PDE11A: variants seen among roughly 807,000 people sequenced by gnomAD.
The protein encoded by PDE11A is phosphodiesterase 11A, also known as dual 3',5'-cyclic-AMP and -GMP phosphodiesterase 11A.
A neutral mutation model predicts 100.5 loss-of-function variants in PDE11A; 100 were observed. The ratio of observed to expected loss-of-function variants is 1.00; its 90% CI spans 0.85 to 1.18. PDE11A has a LOEUF of 1.18. Ranked by LOEUF, PDE11A falls within the 50% of genes most tolerant of loss-of-function variation. PDE11A has a pLI of 0.00. For synonymous variants in PDE11A, 381 were observed against 420.8 expected, an observed-to-expected ratio of 0.91 and a Z score of 1.16; for missense variants, 1,141 against 1,152.6, an observed-to-expected ratio of 0.99 and a Z score of 0.15.
At chr2:177,991,846 A>C (rs1350914001) in intron 2 of PDE11A, among the ~76,000 whole-genome samples, 1 of 150,984 alleles carries the variant, frequency 6.6e-6, no homozygotes, top group Non-Finnish European at 1.5e-5. Flanking sequence ...AAGTTTTTTG[A>C]GATTTCTTTT....
At chr2:178,068,462 C>T (rs939620861) in intron 1 of PDE11A, among the ~76,000 whole-genome samples, 3 of 151,742 alleles carry the variant, frequency 2.0e-5, no homozygotes, top group Admixed American at 1.3e-4. Context: ...ATATTAGGAA[C>T]CCCCAAGAGT....
rs968656692 is a variant in PDE11A, at chr2:177,856,329, C to T, written c.1368-15946G>A. ...TGGGGTGAGGGGATAGACTTGATTTCCAGAGTTTCCACATTACATTATTTA... is the reference window on the plus strand; with the variant it reads ...TGGGGTGAGGGGATAGACTTGATTTTCAGAGTTTCCACATTACATTATTTA... On this transcript the variant is annotated intron_variant, in intron 5 of 19. Coordinates refer to ENST00000286063, the MANE Select transcript of PDE11A (RefSeq NM_016953.4). Among the ~76,000 whole-genome samples, 7 of 152,084 alleles carry T rather than the reference C, an allele frequency of 4.6e-5. No individual in the cohort carries two copies. The East Asian group carries it at 1.4e-3, about 29-fold the overall frequency.
intron 19 of PDE11A, among the ~76,000 whole-genome samples, chr2:177,643,647 A>G (rs563866089): frequency 3.3e-5 from 5 of 152,242 alleles, no homozygotes; most frequent in African/African-American, 9.6e-5. Context: ...AGAAACTTGC[A>G]TAAGTAATGA....
chr2:177,753,241 C>A (rs2082048126), intron 10 of PDE11A, among the ~76,000 whole-genome samples: 1 of 152,084 alleles, frequency 6.6e-6, no homozygotes. Context: ...CAGCTAGGAC[C>A]GAATGTCAGT....
chr2:178,009,109 G>T (rs1402785817), intron 2 of PDE11A, among the ~76,000 whole-genome samples: 1 of 152,136 alleles, frequency 6.6e-6, no homozygotes, highest in Non-Finnish European at 1.5e-5. Context: ...CATTTCCCAG[G>T]TTTATGCTGG....
intron 5 of PDE11A, among the ~76,000 whole-genome samples, chr2:177,869,483 C>G (rs958214558): frequency 6.6e-6 from 1 of 152,198 alleles, no homozygotes; most frequent in Non-Finnish European, 1.5e-5. Context: ...TCCGACTTTT[C>G]CCTTCTGTTG....
intron 10 of PDE11A, among the ~76,000 whole-genome samples, chr2:177,747,386 C>T (rs905324886): frequency 1.4e-4 from 22 of 152,192 alleles, no homozygotes; most frequent in African/African-American, 5.1e-4. Context: ...TTGCTTTTGG[C>T]TCTGAACTCC....
chr2:177,761,470 G>A (rs2082169335), intron 10 of PDE11A, among the ~76,000 whole-genome samples: 1 of 152,202 alleles, frequency 6.6e-6, no homozygotes, highest in South Asian at 2.1e-4. Context: ...TGCAAGGCAT[G>A]GCTTTAGGTG....
At chr2:177,927,402 C>T (rs897016310) in intron 2 of PDE11A, among the ~76,000 whole-genome samples, 6 of 152,146 alleles carry the variant, frequency 3.9e-5, no homozygotes, top group African/African-American at 1.4e-4. Flanking sequence ...CGATTTTGTT[C>T]TATGGAAATG....
At chr2:178,036,250 G>C (rs11895601) in intron 1 of PDE11A, among the ~76,000 whole-genome samples, 2 of 152,160 alleles carry the variant, frequency 1.3e-5, no homozygotes, top group East Asian at 3.9e-4. Flanking sequence ...AGAGAGCCAT[G>C]TCATGAGTGA....
chr2:177,871,020 C>G (rs1004094588), intron 5 of PDE11A, among the ~76,000 whole-genome samples: 2 of 152,090 alleles, frequency 1.3e-5, no homozygotes, highest in African/African-American at 4.8e-5. Flanking sequence ...CACTAAAGGA[C>G]AGGAGCCATC....
At chr2:177,946,645 A>G (rs1574299850) in intron 2 of PDE11A, among the ~76,000 whole-genome samples, 2 of 101,482 alleles carry the variant, frequency 2.0e-5, no homozygotes, top group African/African-American at 3.7e-5. Context: ...TGGGGGGGTC[A>G]GCCCCCCGCC....
chr2:177,674,703 A>C (rs974409202), intron 17 of PDE11A, among the ~76,000 whole-genome samples: 1 of 152,182 alleles, frequency 6.6e-6, no homozygotes, highest in East Asian at 1.9e-4. Context: ...CTACAATTTT[A>C]AGGATTAAAT....
intron 9 of PDE11A, among the ~76,000 whole-genome samples, chr2:177,815,912 G>A (rs1488125381): frequency 6.6e-6 from 1 of 152,070 alleles, no homozygotes; most frequent in Non-Finnish European, 1.5e-5. Flanking sequence ...AAAATATTTG[G>A]TAAAATCTAC....
intron 2 of PDE11A, among the ~76,000 whole-genome samples, chr2:177,918,589 T>C (rs1163148453): frequency 2.0e-5 from 3 of 152,074 alleles, no homozygotes; most frequent in African/African-American, 4.8e-5. Flanking sequence ...AGTTTAATCA[T>C]AGGGGAAAAA....
chr2:177,839,126 A>G (rs2083448131), intron 6 of PDE11A, among the ~76,000 whole-genome samples: 1 of 152,206 alleles, frequency 6.6e-6, no homozygotes, highest in Admixed American at 6.5e-5. Context: ...TGCAAAGATG[A>G]TCTGACTGAA....
chr2:177,717,025 T>G (rs1016657835), intron 12 of PDE11A, among the ~76,000 whole-genome samples: 4 of 152,160 alleles, frequency 2.6e-5, no homozygotes, highest in Admixed American at 6.5e-5. Flanking sequence ...TTTAAGAACA[T>G]AACAGAGCCC....
At chr2:177,998,395 T>A in intron 2 of PDE11A, 2 of 864,502 alleles carry the variant, frequency 2.3e-6, no homozygotes, top group Non-Finnish European at 4.0e-6. Context: ...CCATCCATGT[T>A]AAATATACTC....
At chr2:177,960,357 T>C (rs930699576) in intron 2 of PDE11A, among the ~76,000 whole-genome samples, 1 of 152,134 alleles carries the variant, frequency 6.6e-6, no homozygotes, top group Non-Finnish European at 1.5e-5. Flanking sequence ...AGGTACCATT[T>C]TGAAACTCAT....
Sources: gnomAD v4.1 joint callset for allele counts (sites outside exome capture counted in the v4.1 genomes callset) on GRCh38, gnomAD v4.1.1 for gene constraint, MANE v1.5 for transcripts, NCBI Gene and HGNC (gene_info 2026-07-23, HGNC 2026-07-21) for gene names.